SAMD3: variants seen among roughly 807,000 people sequenced by gnomAD.
SAMD3 encodes sterile alpha motif domain-containing protein 3.
A neutral mutation model predicts 58.5 loss-of-function variants in SAMD3; 63 were observed. That is an observed-to-expected ratio of 1.08 (90% CI 0.88 to 1.33). The LOEUF (loss-of-function observed/expected upper bound fraction) is 1.33, where lower values mean the gene tolerates loss of function less well. Among genes scored for constraint, SAMD3 ranks in the 40% most tolerant of loss-of-function variants. The probability of loss-of-function intolerance (pLI) is 0.00; values close to 1 mark genes in which losing one functional copy is unlikely to be tolerated. For synonymous variants in SAMD3, 220 were observed against 210.3 expected (o/e 1.05, Z -0.40); for missense variants, 604 against 608.4 (o/e 0.99, Z 0.08).
chr6:130,305,367 T>C (rs576487519), intron 2 of SAMD3, among the ~76,000 whole-genome samples: 2 of 152,340 alleles, frequency 1.3e-5, no homozygotes, highest in Admixed American at 6.5e-5. Flanking sequence ...TAAAGAATTA[T>C]AGTATTTGTT....
At chr6:130,182,881 A>T (rs1182424116) in intron 7 of SAMD3, 1 of 153,332 alleles carries the variant, frequency 6.5e-6, no homozygotes, top group Admixed American at 6.5e-5. Flanking sequence ...ACCAATGTGT[A>T]TGCATATGGC....
At chr6:130,194,144 C>A (rs58154285) in intron 5 of SAMD3, among the ~76,000 whole-genome samples, 1 of 152,046 alleles carries the variant, frequency 6.6e-6, no homozygotes, top group African/African-American at 2.4e-5. Context: ...CCTCCCCCAC[C>A]TGCCCAGCAA....
At chr6:130,182,455 T>G (rs1400861300) in intron 7 of SAMD3, among the ~76,000 whole-genome samples, 6 of 151,790 alleles carry the variant, frequency 4.0e-5, no homozygotes, top group Non-Finnish European at 8.8e-5. Flanking sequence ...TTTAATTACC[T>G]CTCCCACTGA....
intron 2 of SAMD3, among the ~76,000 whole-genome samples, chr6:130,235,337 C>T (rs1425327321): frequency 6.6e-6 from 1 of 152,150 alleles, no homozygotes; most frequent in African/African-American, 2.4e-5. Flanking sequence ...TTTTTACAAA[C>T]CAATTCCAAG....
At chr6:130,162,076 C>T (rs956731079) in intron 8 of SAMD3, 3 of 524,304 alleles carry the variant, frequency 5.7e-6, no homozygotes, top group Admixed American at 6.9e-5. Context: ...GAGGAATCAG[C>T]GTAAATTAAC....
intron 5 of SAMD3, among the ~76,000 whole-genome samples, chr6:130,189,852 C>A (rs1793365078): frequency 6.6e-6 from 1 of 152,158 alleles, no homozygotes; most frequent in African/African-American, 2.4e-5. Flanking sequence ...TGAAAAGAAG[C>A]CTACACTTAG....
At chr6:130,318,585 T>C (rs1306077798) in intron 1 of SAMD3, among the ~76,000 whole-genome samples, 1 of 152,068 alleles carries the variant, frequency 6.6e-6, no homozygotes, top group East Asian at 1.9e-4. Flanking sequence ...CACGCCACCA[T>C]GCTCAGCTAA....
At chr6:130,197,489 T>C (rs1220209387) in intron 5 of SAMD3, among the ~76,000 whole-genome samples, 1 of 152,212 alleles carries the variant, frequency 6.6e-6, no homozygotes, top group Non-Finnish European at 1.5e-5. Flanking sequence ...TCCTGAGTCG[T>C]CCCAATTCTT....
intron 1 of SAMD3, among the ~76,000 whole-genome samples, chr6:130,342,210 A>G (rs1288268407): frequency 6.6e-6 from 1 of 152,186 alleles, no homozygotes; most frequent in African/African-American, 2.4e-5. Context: ...ATAAATATAT[A>G]TCAAATAAAA....
rs185067276 is a variant in SAMD3, at chr6:130,203,713, G to A, written c.383+5782C>T. ...TGTCAGGGACTGCACAGATGAATAA[G>A]ACTGGTTCGTCTCATACTTCCCCAA... is the stretch of plus-strand genomic sequence containing the variant. On this transcript the variant is annotated intron_variant, in intron 5 of 11. Transcript: ENST00000439090. Among the ~76,000 whole-genome samples the A allele has an allele frequency of 1.3e-5, 2 of 152,348 alleles. 1 individual carries two copies. Among genetic ancestry groups the A allele is most frequent in the East Asian group, 3.9e-4 (2 of 5,190 alleles).
chr6:130,238,411 T>A (rs535947930), intron 2 of SAMD3, among the ~76,000 whole-genome samples: 123 of 152,314 alleles, frequency 8.1e-4, no homozygotes, highest in African/African-American at 2.9e-3. Context: ...AATTACTGAC[T>A]TTTAGTTCTA....
At chr6:130,301,500 T>C (rs373958285) in intron 2 of SAMD3, among the ~76,000 whole-genome samples, 1 of 152,138 alleles carries the variant, frequency 6.6e-6, no homozygotes, top group Non-Finnish European at 1.5e-5. Context: ...AAAATGACCA[T>C]ACTGCCCAAA....
At chr6:130,263,838 G>A (rs1774232596) in intron 2 of SAMD3, among the ~76,000 whole-genome samples, 2 of 152,064 alleles carry the variant, frequency 1.3e-5, no homozygotes, top group African/African-American at 4.8e-5. Flanking sequence ...AGACCCCAGT[G>A]CCGACCAGGA....
At chr6:130,346,040 T>C (rs775112002) in intron 1 of SAMD3, among the ~76,000 whole-genome samples, 1 of 152,254 alleles carries the variant, frequency 6.6e-6, no homozygotes, top group Non-Finnish European at 1.5e-5. Context: ...TATGCAGCCA[T>C]GGAAGTTTTC....
At chr6:130,158,826 G>A (rs906469349) in intron 8 of SAMD3, among the ~76,000 whole-genome samples, 6 of 152,126 alleles carry the variant, frequency 3.9e-5, no homozygotes, top group African/African-American at 7.2e-5. Context: ...CTGGTGACTC[G>A]GTTTACACCC....
intron 1 of SAMD3, chr6:130,221,545 T>TATATA (rs1181712888): frequency 3.9e-5 from 6 of 152,204 alleles, no homozygotes; most frequent in Admixed American, 3.9e-4. Flanking sequence ...TTATATATAT[T>TATATA]ATATACAGTA....
chr6:130,153,049 C>A (rs1582725496), intron 9 of SAMD3, among the ~76,000 whole-genome samples: 1 of 152,364 alleles, frequency 6.6e-6, no homozygotes, highest in East Asian at 1.9e-4. Context: ...TCCACTAATT[C>A]ACTCAGCATT....
At chr6:130,213,201 A>G (rs1795718365) in intron 4 of SAMD3, among the ~76,000 whole-genome samples, 1 of 152,074 alleles carries the variant, frequency 6.6e-6, no homozygotes, top group Admixed American at 6.5e-5. Flanking sequence ...GGGAGGCGGA[A>G]GCAGGAGGAT....
intron 2 of SAMD3, among the ~76,000 whole-genome samples, chr6:130,273,791 T>G (rs925229291): frequency 4.6e-5 from 7 of 152,160 alleles, no homozygotes; most frequent in Non-Finnish European, 7.4e-5. Flanking sequence ...CTCTATACTT[T>G]TACTCCCCGC....
Sources: gnomAD v4.1 joint callset for allele counts (sites outside exome capture counted in the v4.1 genomes callset) on GRCh38, gnomAD v4.1.1 for gene constraint, MANE v1.5 for transcripts, NCBI Gene and HGNC (gene_info 2026-07-23, HGNC 2026-07-21) for gene names.